ACVR2A: variants seen among roughly 807,000 people sequenced by gnomAD.
The protein encoded by ACVR2A is activin receptor type-2A.
In ACVR2A, 7 loss-of-function variants were observed where a neutral mutation model predicts 61.4. That is an observed-to-expected ratio of 0.11 (90% CI 0.06 to 0.21). The LOEUF (loss-of-function observed/expected upper bound fraction) is 0.21, where lower values mean the gene tolerates loss of function less well. Ranked by LOEUF, ACVR2A falls within the 10% of genes least tolerant of loss-of-function variation. The pLI, the probability that ACVR2A is intolerant of heterozygous loss-of-function variation, is 1.00. For missense variants in ACVR2A, 322 were observed against 621.7 expected, an observed-to-expected ratio of 0.52 and a Z score of 5.13; for synonymous variants, 193 against 208.3, an observed-to-expected ratio of 0.93 and a Z score of 0.63.
At chr2:147,845,348 G>GCCCCCCCCCCCCCCC (rs557975990) in intron 1 of ACVR2A, 141 bp downstream of exon 1, 2 of 231,112 alleles carry the variant, frequency 8.7e-6, no homozygotes, top group Admixed American at 2.2e-4. Context: ...GGCTGCCACC[G>GCCCCCCCCCCCCCCC]CCCCCCCCCC....
Position 147,926,115 on chromosome 2 carries a change from A to T in ACVR2A, c.1301A>T (p.His434Leu), listed in dbSNP as rs377566208. The T allele has an allele frequency of 6.2e-7, 1 of 1,611,960 alleles. No homozygotes were observed. The highest frequency in any genetic ancestry group is 1.3e-5 in the African/African-American group (1 of 74,784). The change falls in exon 10 of 11, where the codon CAT (histidine) becomes CTT (leucine). Residue 434 changes from histidine (H) to leucine (L), a missense_variant. Transcript: ENST00000241416. ...SLEDMQEVVV[H>L]KKKRPVLRDY... is the part of the protein sequence containing the mutation. ...GAAGACATGCAGGAAGTTGTTGTGC[A>T]TAAAAAAAAGAGGCCTGTTTTAAGA...
intron 1 of ACVR2A, among the ~76,000 whole-genome samples, chr2:147,883,236 G>A: frequency 6.6e-6 from 1 of 152,122 alleles, no homozygotes; most frequent in Non-Finnish European, 1.5e-5. Flanking sequence ...TGTTGCCCAG[G>A]CTGGAGTGCA....
intron 1 of ACVR2A, among the ~76,000 whole-genome samples, chr2:147,868,650 G>T (rs1685936342): frequency 6.7e-6 from 1 of 149,072 alleles, no homozygotes; most frequent in East Asian, 2.0e-4. Flanking sequence ...TATTTATTTA[G>T]AGACAGGGTC....
chr2:147,861,455 A>T (rs1054875016), intron 1 of ACVR2A, among the ~76,000 whole-genome samples: 1 of 152,146 alleles, frequency 6.6e-6, no homozygotes, highest in African/African-American at 2.4e-5. Context: ...TTTGGGGAGG[A>T]TCTTTTCAGA....
At chr2:147,868,455 T>C (rs544169219) in intron 1 of ACVR2A, among the ~76,000 whole-genome samples, 3 of 152,266 alleles carry the variant, frequency 2.0e-5, no homozygotes, top group South Asian at 2.1e-4. Context: ...TTTTTTCCCC[T>C]GTAGCAGTGG....
intron 4 of ACVR2A, among the ~76,000 whole-genome samples, chr2:147,913,673 T>G (rs1486649620): frequency 6.6e-6 from 1 of 151,640 alleles, no homozygotes; most frequent in Non-Finnish European, 1.5e-5. Flanking sequence ...AAAAACTCTC[T>G]AGAGGTTCTT....
intron 2 of ACVR2A, among the ~76,000 whole-genome samples, chr2:147,897,348 C>T (rs1318588487): frequency 6.6e-6 from 1 of 152,138 alleles, no homozygotes; most frequent in Non-Finnish European, 1.5e-5. Flanking sequence ...AGAATTTCAT[C>T]AGAACTAACA....
Position 147,925,970 on chromosome 2 carries a change from C to T in ACVR2A, c.1217-61C>T, listed in dbSNP as rs182224333. ...AGAGTATATTTTAGAAAGTTTGTAC[C>T]AGTTTGAAAGTCAGGAGGATTTTAA... is the stretch of plus-strand genomic sequence containing the variant. On this transcript the variant is annotated intron_variant, in intron 9 of 10. Transcript: ENST00000241416. The T allele has an allele frequency of 1.0e-4, 156 of 1,539,666 alleles. 4 individuals carry two copies. The Admixed American group carries it at 2.2e-3, about 22-fold the overall frequency.
chr2:147,892,616 T>G (rs1054239421), intron 1 of ACVR2A, among the ~76,000 whole-genome samples: 2 of 151,696 alleles, frequency 1.3e-5, no homozygotes, highest in Non-Finnish European at 1.5e-5. Flanking sequence ...AAGAACAAGT[T>G]TTTATGAAAA....
intron 1 of ACVR2A, among the ~76,000 whole-genome samples, chr2:147,895,526 A>T (rs1686709410): frequency 6.6e-6 from 1 of 152,160 alleles, no homozygotes; most frequent in Non-Finnish European, 1.5e-5. Context: ...TTGGTACTGG[A>T]ATTGCTCCTG....
At chr2:147,881,688 C>T in intron 1 of ACVR2A, among the ~76,000 whole-genome samples, 1 of 139,516 alleles carries the variant, frequency 7.2e-6, no homozygotes, top group Non-Finnish European at 1.5e-5. Flanking sequence ...ATTGACAGGG[C>T]CTAAAATGTT....
chr2:147,881,923 G>A (rs112002581), intron 1 of ACVR2A, among the ~76,000 whole-genome samples: 5,959 of 151,970 alleles, frequency 0.039, 109 homozygotes, highest in Middle Eastern at 0.054. Flanking sequence ...AAAATGTACC[G>A]TTTGTGTTGA....
chr2:147,881,602 AGTGTGTGTGTGT>A (rs145075375), intron 1 of ACVR2A, among the ~76,000 whole-genome samples: 3,792 of 81,462 alleles, frequency 0.047, 53 homozygotes, highest in Middle Eastern at 0.062. Flanking sequence ...GAAGCTGCTT[AGTGTGTGTGTGT>A]GTGTGTGTGT....
At chr2:147,854,353 C>T (rs964000051) in intron 1 of ACVR2A, among the ~76,000 whole-genome samples, 2 of 152,244 alleles carry the variant, frequency 1.3e-5, no homozygotes, top group South Asian at 4.1e-4. Flanking sequence ...TCTTGGACAA[C>T]TTCTCTTAAA....
chr2:147,878,471 C>G (rs922292296), intron 1 of ACVR2A, among the ~76,000 whole-genome samples: 8 of 151,622 alleles, frequency 5.3e-5, no homozygotes, highest in Admixed American at 2.0e-4. Flanking sequence ...AGAAAGAGGC[C>G]AGGAACTATG....
At chr2:147,884,050 G>T (rs892608702) in intron 1 of ACVR2A, among the ~76,000 whole-genome samples, 4 of 152,168 alleles carry the variant, frequency 2.6e-5, no homozygotes, top group Admixed American at 2.6e-4. Flanking sequence ...GCAGGAACTA[G>T]TAGGAACTAT....
chr2:147,848,317 T>TGG (rs1685365846), intron 1 of ACVR2A, among the ~76,000 whole-genome samples: 1 of 152,188 alleles, frequency 6.6e-6, no homozygotes, highest in East Asian at 1.9e-4. Flanking sequence ...TTCCTGTTTA[T>TGG]GATCTAAGCC....
At chr2:147,924,663 T>A (rs1194468135) in intron 9 of ACVR2A, among the ~76,000 whole-genome samples, 1 of 151,960 alleles carries the variant, frequency 6.6e-6, no homozygotes, top group East Asian at 1.9e-4. Context: ...GAGGATAGTG[T>A]GAGCATTGAT....
intron 1 of ACVR2A, among the ~76,000 whole-genome samples, chr2:147,859,823 CAG>C (rs1340587528): frequency 6.6e-6 from 1 of 152,090 alleles, no homozygotes; most frequent in Non-Finnish European, 1.5e-5. Flanking sequence ...GATGAGAAAA[CAG>C]GGTCATACAG....
Sources: allele counts gnomAD v4.1 joint callset (sites outside exome capture counted in the v4.1 genomes callset), GRCh38; gene constraint gnomAD v4.1.1; transcripts MANE v1.5; gene names NCBI Gene and HGNC (gene_info 2026-07-23, HGNC 2026-07-21).